ANKS1B: variants seen among roughly 807,000 people sequenced by gnomAD.
ANKS1B encodes the protein ankyrin repeat and sterile alpha motif domain containing 1B, also known as ankyrin repeat and sterile alpha motif domain-containing protein 1B.
In ANKS1B, 36 loss-of-function variants were observed where a neutral mutation model predicts 148.3. The ratio of observed to expected loss-of-function variants is 0.24; its 90% confidence interval spans 0.19 to 0.32. The LOEUF is 0.32. Ranked by LOEUF, ANKS1B falls within the 10% of genes least tolerant of loss-of-function variation. The probability of loss-of-function intolerance (pLI) is 1.00; values close to 1 mark genes in which losing one functional copy is unlikely to be tolerated. For missense variants in ANKS1B, 1,157 were observed against 1,542.6 expected (o/e 0.75, Z 4.19); for synonymous variants, 542 against 560.8 (o/e 0.97, Z 0.47).
chr12:99,886,267 T>C (rs779985931), intron 1 of ANKS1B, among the ~76,000 whole-genome samples: 2 of 152,224 alleles, frequency 1.3e-5, no homozygotes. Flanking sequence ...TGAGTACATC[T>C]ATAGGTAAAT....
chr12:99,449,510 C>T (rs1020763981), intron 10 of ANKS1B, among the ~76,000 whole-genome samples: 13 of 152,104 alleles, frequency 8.5e-5, no homozygotes, highest in African/African-American at 3.1e-4. Context: ...AGTTTCTTAA[C>T]TGTAAAAATG....
intron 17 of ANKS1B, among the ~76,000 whole-genome samples, chr12:98,862,805 T>TTA (rs763542219): frequency 2.6e-5 from 4 of 152,152 alleles, no homozygotes; most frequent in Non-Finnish European, 5.9e-5. Flanking sequence ...CAATCTTGCT[T>TTA]TATATATTAT....
chr12:98,794,660 G>T, intron 22 of ANKS1B: 1 of 882,320 alleles, frequency 1.1e-6, no homozygotes, highest in South Asian at 1.3e-5. Flanking sequence ...CTGGAAAGCA[G>T]CTGGTAAAGA....
At chr12:99,255,315 T>C (rs1050036567) in intron 12 of ANKS1B, among the ~76,000 whole-genome samples, 2 of 152,134 alleles carry the variant, frequency 1.3e-5, no homozygotes, top group Non-Finnish European at 2.9e-5. Flanking sequence ...GAATGGTTTT[T>C]TGTATCTGTA....
chr12:99,471,355 A>C (rs541348703), intron 10 of ANKS1B, among the ~76,000 whole-genome samples: 1 of 152,048 alleles, frequency 6.6e-6, no homozygotes, highest in Non-Finnish European at 1.5e-5. Context: ...CCTAGTTATT[A>C]TAACTTTGGA....
intron 14 of ANKS1B, among the ~76,000 whole-genome samples, chr12:99,236,583 A>T (rs1323226946): frequency 6.6e-6 from 1 of 152,188 alleles, no homozygotes; most frequent in East Asian, 1.9e-4. Flanking sequence ...CCCTCCCTTG[A>T]CATATCAGGA....
At chr12:99,701,231 C>T (rs1312263367) in intron 8 of ANKS1B, among the ~76,000 whole-genome samples, 20 of 152,106 alleles carry the variant, frequency 1.3e-4, no homozygotes, top group African/African-American at 2.4e-5. Flanking sequence ...TGGGTTTGCA[C>T]TTTGGGGTTG....
At chr12:99,369,788 A>AGATG (rs1555404969) in intron 12 of ANKS1B, among the ~76,000 whole-genome samples, 154 of 103,908 alleles carry the variant, frequency 1.5e-3, no homozygotes, top group African/African-American at 6.1e-3. Flanking sequence ...ATAGATAGAT[A>AGATG]GATGGACGGA....
intron 17 of ANKS1B, among the ~76,000 whole-genome samples, chr12:98,868,713 C>T (rs1055923415): frequency 6.6e-6 from 1 of 152,226 alleles, no homozygotes; most frequent in Non-Finnish European, 1.5e-5. Flanking sequence ...ACACACTTAG[C>T]ATGAGACCTG....
intron 14 of ANKS1B, among the ~76,000 whole-genome samples, chr12:99,206,685 C>T (rs975267701): frequency 2.0e-5 from 3 of 152,026 alleles, no homozygotes; most frequent in Non-Finnish European, 4.4e-5. Flanking sequence ...CTATCCATAC[C>T]GAGTCCAGGC....
chr12:99,308,374 A>C (rs2082644724), intron 12 of ANKS1B, among the ~76,000 whole-genome samples: 1 of 152,046 alleles, frequency 6.6e-6, no homozygotes. Context: ...TATTTTTAAA[A>C]TAGAGAAAAT....
intron 17 of ANKS1B, among the ~76,000 whole-genome samples, chr12:98,905,941 T>C (rs2099778422): frequency 6.6e-6 from 1 of 151,914 alleles, no homozygotes; most frequent in Non-Finnish European, 1.5e-5. Flanking sequence ...CTGTGAAAAT[T>C]CACTCAATCC....
At chr12:99,761,064 C>A (rs201917678) in intron 8 of ANKS1B, among the ~76,000 whole-genome samples, 1 of 36,424 alleles carries the variant, frequency 2.7e-5, no homozygotes, top group Non-Finnish European at 5.9e-5. Flanking sequence ...AGCCTAACAA[C>A]CAAAAAAAAA....
At chr12:99,967,063 T>A (rs994738453) in intron 1 of ANKS1B, among the ~76,000 whole-genome samples, 1 of 152,126 alleles carries the variant, frequency 6.6e-6, no homozygotes, top group Non-Finnish European at 1.5e-5. Context: ...TGTAAACAAA[T>A]GACTTATTAT....
At position 99,480,036 on chromosome 12, in the gene ANKS1B, T is replaced by A. The variant is rs530975821; in HGVS notation, c.1438+24440A>T. 4.6e-5 allele frequency among the ~76,000 whole-genome samples: 7 copies of A among 151,798 alleles called. No individual in the cohort carries two copies. The East Asian group carries it at 1.4e-3, about 29-fold the overall frequency. ...ACACCTATTATTTGTCAATTAAAGA[T>A]CAATTTAAAAATGAAAAATTTAAAA... On this transcript the variant is annotated intron_variant, in intron 10 of 26. Transcript: ENST00000683438.
chr12:99,413,128 C>G (rs369531917), intron 11 of ANKS1B, among the ~76,000 whole-genome samples: 1 of 152,092 alleles, frequency 6.6e-6, no homozygotes, highest in Admixed American at 6.5e-5. Context: ...ATTTAAGAGA[C>G]GTGGACATTC....
At position 99,883,617 on chromosome 12, in the gene ANKS1B, A is replaced by AGGG. The variant is rs1565922619; in HGVS notation, c.135-58231_135-58229dup. Reference sequence around the variant, plus strand: ...AAAAGACAAGGCATAGACTTGGGGCAGGGGGGAATCTGCAAATCGGCCGGG... The same window carrying AGGG: ...AAAAGACAAGGCATAGACTTGGGGCAGGGGGGGGGAATCTGCAAATCGGCCGGG... On this transcript the variant is annotated intron_variant, in intron 1 of 26. Coordinates refer to ENST00000683438, the MANE Select transcript of ANKS1B (RefSeq NM_001352186.2). Among the ~76,000 whole-genome samples the AGGG allele has an allele frequency of 2.2e-3, 311 of 144,004 alleles. 3 individuals carry two copies. The highest frequency in any genetic ancestry group is 7.7e-3 in the African/African-American group (301 of 39,114). 94.5% of individuals were successfully genotyped at this position (144,004 alleles called of 152,430 possible). A position where few individuals can be genotyped will look rare whatever the true frequency, so the allele number is the denominator to read the frequency against.
chr12:99,980,019 A>G (rs1230826503), intron 1 of ANKS1B, among the ~76,000 whole-genome samples: 1 of 149,776 alleles, frequency 6.7e-6, no homozygotes, highest in Non-Finnish European at 1.5e-5. Flanking sequence ...CAGAAAGAAG[A>G]AAAAAAAGAG....
At chr12:99,730,823 G>C (rs558757982) in intron 8 of ANKS1B, among the ~76,000 whole-genome samples, 1 of 152,228 alleles carries the variant, frequency 6.6e-6, no homozygotes, top group South Asian at 2.1e-4. Context: ...AGATTTTCTG[G>C]AATAAACGTT....
Sources: gnomAD v4.1 joint callset for allele counts (sites outside exome capture counted in the v4.1 genomes callset) on GRCh38, gnomAD v4.1.1 for gene constraint, MANE v1.5 for transcripts, NCBI Gene and HGNC (gene_info 2026-07-23, HGNC 2026-07-21) for gene names.